The following ABCB1 variants were observed in gnomAD, a reference collection of about 807,000 sequenced individuals.
The protein encoded by ABCB1 is ATP binding cassette subfamily B member 1, also known as ATP-dependent translocase ABCB1.
Under a neutral mutation model 142.0 loss-of-function variants are expected in ABCB1, and 69 were observed. The observed-to-expected ratio is 0.49, with a 90% CI of 0.40 to 0.59. The LOEUF (loss-of-function observed/expected upper bound fraction) is 0.59. ABCB1 is among the 20% of genes least tolerant of loss of function. The pLI is 0.00. For missense variants in ABCB1, 1,326 were observed against 1,554.7 expected (o/e 0.85, Z 2.47); for synonymous variants, 532 against 539.2 (o/e 0.99, Z 0.18).
intron 1 of ABCB1, among the ~76,000 whole-genome samples, chr7:87,644,632 A>T (rs887798721): frequency 6.6e-6 from 1 of 152,190 alleles, no homozygotes; most frequent in Non-Finnish European, 1.5e-5. Context: ...CATGGTATAG[A>T]TAAGAAGATC....
At position 87,626,307 on chromosome 7, in the gene ABCB1, G is replaced by GTGTCGTATATGTGTCATATATA. The variant is rs1820520161; in HGVS notation, c.-330-25251_-330-25230dup. ...TGTGTCATATATGTGTCATATATATGTGTCGTATATGTGTCATATATATGT... is the reference window on the plus strand; with the variant it reads ...TGTGTCATATATGTGTCATATATATGTGTCGTATATGTGTCATATATATGTCGTATATGTGTCATATATATGT... On this transcript the variant is annotated intron_variant, in intron 1 of 28. Coordinates refer to the ABCB1 transcript ENST00000265724. 7.1e-5 allele frequency among the ~76,000 whole-genome samples: 2 copies of GTGTCGTATATGTGTCATATATA among 28,120 alleles called. 1 individual carries two copies. Among genetic ancestry groups the GTGTCGTATATGTGTCATATATA allele is most frequent in the Admixed American group, 1.0e-3 (2 of 1,970 alleles). The allele number at this position is 28,120 out of a possible 152,430, so 18.4% of individuals were successfully genotyped here. A position where few individuals can be genotyped will look rare whatever the true frequency, so the allele number is the denominator to read the frequency against.
At chr7:87,526,979 CT>C (rs1275579714) in intron 21 of ABCB1, among the ~76,000 whole-genome samples, 2 of 151,744 alleles carry the variant, frequency 1.3e-5, no homozygotes, top group Non-Finnish European at 2.9e-5. Flanking sequence ...AATAAAAGTC[CT>C]TTGTGGCATT....
chr7:87,526,780 T>C (rs1472224117), intron 21 of ABCB1, among the ~76,000 whole-genome samples: 2 of 152,172 alleles, frequency 1.3e-5, no homozygotes, highest in African/African-American at 4.8e-5. Context: ...TGCCTTCTTG[T>C]TGTACAACCA....
At chr7:87,696,159 G>A (rs892030358) in intron 1 of ABCB1, among the ~76,000 whole-genome samples, 12 of 152,104 alleles carry the variant, frequency 7.9e-5, no homozygotes, top group African/African-American at 2.7e-4. Context: ...TATATTCATT[G>A]AGAACTTTAA....
At position 87,516,600 on chromosome 7, in the gene ABCB1, T is replaced by C; in HGVS notation, c.2993A>G (p.Tyr998Cys). The C allele has an allele frequency of 6.2e-7, 1 of 1,614,200 alleles. No homozygotes were observed. The highest frequency in any genetic ancestry group is 8.5e-7 in the Non-Finnish European group (1 of 1,180,040). ...GGCTGCTGATATTTTGGCTTTGGCATAGTCAGGAGCAAATGAACTGACTTG... is the reference window on the plus strand; with the variant it reads ...GGCTGCTGATATTTTGGCTTTGGCACAGTCAGGAGCAAATGAACTGACTTG... The part of the protein sequence containing the change: ...VGQVSSFAPD[Y>C]AKAKISAAHI... The change falls in exon 24 of 28, where the codon TAT (tyrosine) becomes TGT (cysteine). Residue 998 changes from tyrosine to cysteine, a missense_variant. Tyr to Cys is a radical substitution (Grantham distance 194). Transcript: ENST00000622132.
intron 14 of ABCB1, 90 bp from the exon 15 acceptor site, chr7:87,546,114 T>C (rs1816768606): frequency 7.5e-7 from 1 of 1,327,776 alleles, no homozygotes; most frequent in Non-Finnish European, 1.1e-6. Flanking sequence ...ACCAATGCTG[T>C]GGGCATTGTA....
intron 7 of ABCB1, 135 bp downstream of exon 7, chr7:87,565,935 C>T (rs2129807751): frequency 1.0e-6 from 1 of 992,786 alleles, no homozygotes; most frequent in South Asian, 1.4e-5. Context: ...GCTTATCCAG[C>T]TGATTTTGAA....
chr7:87,645,076 T>G lies in ABCB1; in HGVS notation c.-330-43998A>C, dbSNP rs185143937. ...TAAGGTTTTAGTCACAATCATGCTTTCTTTCTTTTTTTTTTTTTTTTTTGA... is the reference window on the plus strand; with the variant it reads ...TAAGGTTTTAGTCACAATCATGCTTGCTTTCTTTTTTTTTTTTTTTTTTGA... On this transcript the variant is annotated intron_variant, in intron 1 of 28. Transcript: ENST00000265724. Among the ~76,000 whole-genome samples the G allele has an allele frequency of 2.8e-3, 425 of 150,840 alleles. 2 individuals are homozygous for G. The highest frequency in any genetic ancestry group is 4.9e-3 in the Non-Finnish European group (333 of 67,618).
chr7:87,549,643 CT>C, intron 13 of ABCB1, 125 bp from the exon 14 acceptor site: 1 of 1,479,168 alleles, frequency 6.8e-7, no homozygotes, highest in Non-Finnish European at 9.4e-7. Context: ...TTCTTTAAAT[CT>C]TATTTAACAC....
At position 87,696,418 on chromosome 7, in the gene ABCB1, A is replaced by T. The variant is rs540034959; in HGVS notation, c.-331+16743T>A. The stretch of plus-strand genomic sequence containing the variant: ...TTTTACTAGCAGTTAATCTGTATTT[A>T]CATAAAAGTGATGTTCAAATAATAT... On this transcript the variant is annotated intron_variant, in intron 1 of 28. Transcript: ENST00000265724. Among the ~76,000 whole-genome samples the T allele has an allele frequency of 6.6e-5, 10 of 152,322 alleles. No individual in the cohort carries two copies. In the East Asian group the frequency reaches 1.9e-3, roughly 29 times the overall value.
At chr7:87,568,266 T>TAATAATAATAATAATAATAAAAA (rs377151956) in intron 5 of ABCB1, among the ~76,000 whole-genome samples, 2 of 145,644 alleles carry the variant, frequency 1.4e-5, no homozygotes, top group African/African-American at 5.1e-5. Flanking sequence ...ATAATAATAA[T>TAATAATAATAATAATAATAAAAA]AAAAATTAGC....
intron 2 of ABCB1, among the ~76,000 whole-genome samples, chr7:87,597,325 C>A (rs1437866645): frequency 6.6e-6 from 1 of 151,998 alleles, no homozygotes; most frequent in South Asian, 2.1e-4. Flanking sequence ...AATAAAGAAT[C>A]TTTGCTAATA....
intron 21 of ABCB1, among the ~76,000 whole-genome samples, chr7:87,525,567 T>C (rs1815746540): frequency 1.3e-5 from 2 of 152,312 alleles, no homozygotes; most frequent in African/African-American, 2.4e-5. Flanking sequence ...TGTATTTTTA[T>C]AATAAAGTAA....
intron 1 of ABCB1, chr7:87,710,433 C>T (rs1829973577): frequency 5.1e-6 from 3 of 587,262 alleles, no homozygotes; most frequent in East Asian, 6.2e-5. Context: ...TTTTTATCTA[C>T]TTAAACATTT....
chr7:87,590,214 C>G (rs183882160), intron 3 of ABCB1, among the ~76,000 whole-genome samples: 1 of 152,268 alleles, frequency 6.6e-6, no homozygotes, highest in Admixed American at 6.5e-5. Context: ...CCTATCCTCA[C>G]AAAGCATACA....
At chr7:87,575,883 T>G (rs1371340298) in intron 4 of ABCB1, among the ~76,000 whole-genome samples, 1 of 152,112 alleles carries the variant, frequency 6.6e-6, no homozygotes, top group Non-Finnish European at 1.5e-5. Flanking sequence ...TGCTTCCAAT[T>G]TAGGCAGAGT....
At chr7:87,601,762 T>A (rs28381798), upstream of ABCB1, among the ~76,000 whole-genome samples, 224 of 152,362 alleles carry the variant, frequency 1.5e-3, 1 homozygote, top group African/African-American at 5.1e-3. Flanking sequence ...GTTTGTTGTA[T>A]CCTCTAGTCT....
chr7:87,516,731 CTTTT>C (rs546527484), intron 23 of ABCB1, 66 bp from the exon 24 acceptor site: 8,307 of 796,554 alleles, frequency 0.01, no homozygotes, highest in Non-Finnish European at 0.012. Flanking sequence ...GCTGACACTC[CTTTT>C]TTTTTTTTTT....
intron 1 of ABCB1, among the ~76,000 whole-genome samples, chr7:87,611,185 C>T (rs1163163008): frequency 6.6e-6 from 1 of 152,174 alleles, no homozygotes. Context: ...AATAATCTGT[C>T]TTCTGCTTAC....
Sources: allele counts gnomAD v4.1 joint callset (sites outside exome capture counted in the v4.1 genomes callset), GRCh38; gene constraint gnomAD v4.1.1; transcripts MANE v1.5; gene names NCBI Gene and HGNC (gene_info 2026-07-23, HGNC 2026-07-21).